The following MYO19 variants were observed in gnomAD, a reference collection of about 807,000 sequenced individuals.
MYO19 encodes unconventional myosin-XIX.
In MYO19, 132 loss-of-function variants were observed where a neutral mutation model predicts 129.2. That is an observed-to-expected ratio of 1.02 (90% CI 0.89 to 1.18). The LOEUF (loss-of-function observed/expected upper bound fraction) is 1.18. Among genes scored for constraint, MYO19 ranks in the 50% most tolerant of loss-of-function variants. MYO19 has a pLI of 0.00. For missense variants in MYO19, 1,210 were observed against 1,216.7 expected (o/e 0.99, Z 0.08); for synonymous variants, 531 against 477.2 (o/e 1.11, Z -1.47).
At position 36,510,766 on chromosome 17, in the gene MYO19, C is replaced by T. The variant is rs61741303; in HGVS notation, c.1137G>A (p.Leu379=). ...RAECDTRRDC[L]AKLIYARLFD... is the part of the protein sequence containing the mutation. ...CTCACCGCGCATAGATCAGTTTGGC[C>T]AGGCAGTCTCTACGGGTGTCACACT... Residue 379 remains leucine (L), a synonymous_variant, in exon 13 of 26, where the codon CTG becomes CTA. Transcript: ENST00000614623. 3.7e-4 allele frequency: 599 copies of T among 1,607,962 alleles called. 3 individuals are homozygous for T. The African/African-American group carries it at 6.6e-3, about 18-fold the overall frequency.
In MYO19 at chr17:36,496,187, G is replaced by T; in HGVS notation, c.*64C>A. ...GGGAATAGTCTGGCAGCTGTGTGCTGATTAAATGTCTTTGGCAAGGCAGGG... is the reference window on the plus strand; with the variant it reads ...GGGAATAGTCTGGCAGCTGTGTGCTTATTAAATGTCTTTGGCAAGGCAGGG... On this transcript the variant is annotated 3_prime_UTR_variant, in exon 26 of 26. Transcript: ENST00000614623. 6.3e-7 allele frequency: 1 copy of T among 1,589,858 alleles called. No individual in the cohort carries two copies. The highest frequency in any genetic ancestry group is 8.6e-7 in the Non-Finnish European group (1 of 1,162,152).
chr17:36,525,165 C>T, intron 6 of MYO19, 63 bp downstream of exon 6: 1 of 1,238,922 alleles, frequency 8.1e-7, no homozygotes, highest in Non-Finnish European at 1.2e-6. Context: ...CAAGGAATGA[C>T]CCCTGCCTCC....
rs1178142211 is a variant in MYO19, at chr17:36,496,160, G to A, written c.*91C>T. On this transcript the variant is annotated 3_prime_UTR_variant, in exon 26 of 26. Coordinates refer to ENST00000614623, the MANE Select transcript of MYO19 (RefSeq NM_001163735.2). ...GTTGTTCATGTGCATTTGGAGCACT[G>A]TGGGAATAGTCTGGCAGCTGTGTGC... is the stretch of plus-strand genomic sequence containing the variant. 9.9e-6 allele frequency: 15 copies of A among 1,511,026 alleles called. No homozygotes were observed. The highest frequency in any genetic ancestry group is 1.1e-5 in the Non-Finnish European group (12 of 1,101,956). The allele number at this position is 1,511,026 out of a possible 1,614,324, so 93.6% of individuals were successfully genotyped here. A position where few individuals can be genotyped will look rare whatever the true frequency, so the allele number is the denominator to read the frequency against.
chr17:36,508,852 G>A (rs892588221), intron 14 of MYO19: 1 of 600,192 alleles, frequency 1.7e-6, no homozygotes, highest in East Asian at 2.8e-5. Context: ...TGTCTGGAGA[G>A]TTATGGACTG....
intron 11 of MYO19, 172 bp downstream of exon 11, chr17:36,513,257 C>G (rs963596748): frequency 1.4e-5 from 20 of 1,471,066 alleles, no homozygotes; most frequent in Admixed American, 7.6e-5. Context: ...ACCCCACCAC[C>G]TGGTCTCCAG....
chr17:36,510,679 C>T, intron 13 of MYO19, 67 bp downstream of exon 13: 3 of 1,499,802 alleles, frequency 2.0e-6, no homozygotes, highest in Non-Finnish European at 2.7e-6. Context: ...TGTTGTCTGG[C>T]CCAACCCCGG....
At chr17:36,527,877 A>C (rs1403992645) in intron 4 of MYO19, among the ~76,000 whole-genome samples, 178 bp from the exon 5 acceptor site, 2 of 152,250 alleles carry the variant, frequency 1.3e-5, no homozygotes, top group Non-Finnish European at 2.9e-5. Context: ...AATCTGAAGC[A>C]AAGCATGCCC....
chr17:36,512,142 G>C (rs1389481430), intron 11 of MYO19, among the ~76,000 whole-genome samples: 2 of 151,250 alleles, frequency 1.3e-5, no homozygotes, highest in African/African-American at 4.9e-5. Context: ...CTTGAAGTCA[G>C]AAGTTTAAGA....
At chr17:36,531,047 C>G (rs2073804195) in intron 3 of MYO19, among the ~76,000 whole-genome samples, 2 of 151,972 alleles carry the variant, frequency 1.3e-5, no homozygotes, top group Non-Finnish European at 2.9e-5. Flanking sequence ...CCAGCCTTGT[C>G]TACAGAGTGA....
chr17:36,509,499 A>C, intron 13 of MYO19: 1 of 293,180 alleles, frequency 3.4e-6, no homozygotes, highest in East Asian at 7.9e-5. Flanking sequence ...GTTTGTAAAT[A>C]ACTGAGTTCA....
rs1015849170 is a variant in MYO19 at position 36,514,338 on chromosome 17, G to A, written c.720+108C>T. 1.1e-5 allele frequency: 8 copies of A among 742,476 alleles called. No individual in the cohort carries two copies. The South Asian group carries it at 1.1e-4, about 10-fold the overall frequency. The allele number at this position is 742,476 out of a possible 1,614,324, so 46.0% of individuals were successfully genotyped here. Reference sequence around the variant, plus strand: ...GGATAAAGTGGTGGCTCCATCAAAAGCTAGGTGAAGGAACCAGGTATGGAG... The same window carrying A: ...GGATAAAGTGGTGGCTCCATCAAAAACTAGGTGAAGGAACCAGGTATGGAG... On this transcript the variant is annotated intron_variant, in intron 9 of 25. Transcript: ENST00000614623.
intron 6 of MYO19, among the ~76,000 whole-genome samples, chr17:36,517,873 G>A (rs2072861860): frequency 6.6e-6 from 1 of 151,902 alleles, no homozygotes; most frequent in African/African-American, 2.4e-5. Flanking sequence ...TGGATTGCCT[G>A]AGTTCAGCAG....
chr17:36,530,855 A>G (rs1422551445), intron 3 of MYO19, among the ~76,000 whole-genome samples: 1 of 152,068 alleles, frequency 6.6e-6, no homozygotes, highest in Non-Finnish European at 1.5e-5. Context: ...TCCTGGCCTC[A>G]GGTGATCTGC....
chr17:36,527,421 G>A (rs2073540276), intron 5 of MYO19, 130 bp downstream of exon 5: 1 of 1,038,852 alleles, frequency 9.6e-7, no homozygotes, highest in Admixed American at 3.1e-5. Flanking sequence ...CTATTGGGCA[G>A]GCCGTGGCAC....
At chr17:36,502,835 T>C (rs2071624199) in intron 21 of MYO19, 3 of 538,320 alleles carry the variant, frequency 5.6e-6, no homozygotes, top group African/African-American at 3.8e-5. Context: ...GCTAATCCAA[T>C]TTATTCTCAG....
intron 3 of MYO19, among the ~76,000 whole-genome samples, chr17:36,531,028 A>G (rs530754933): frequency 6.6e-5 from 10 of 152,182 alleles, no homozygotes; most frequent in African/African-American, 1.9e-4. Flanking sequence ...TGAGGTCAGG[A>G]GTTTGAGACC....
chr17:36,539,889 A>ATT (rs142199109), upstream of MYO19, among the ~76,000 whole-genome samples: 1,157 of 143,628 alleles, frequency 8.1e-3, 8 homozygotes, highest in Non-Finnish European at 0.012. Context: ...TTCCCCACAG[A>ATT]TTTTTTTTTT....
At chr17:36,513,235 T>A in intron 11 of MYO19, 194 bp downstream of exon 11, 1 of 1,454,156 alleles carries the variant, frequency 6.9e-7, no homozygotes, top group Non-Finnish European at 9.0e-7. Flanking sequence ...CACTCTTCCT[T>A]ATGCCCCGTC....
rs1206689806 is a variant in MYO19 at position 36,525,214 on chromosome 17, A to G, written c.414+14T>C. The G allele has an allele frequency of 2.0e-5, 32 of 1,599,182 alleles. No homozygotes were observed. The highest frequency in any genetic ancestry group is 2.7e-5 in the Non-Finnish European group (31 of 1,166,808). On this transcript the variant is annotated intron_variant, in intron 6 of 25. Transcript: ENST00000614623. ...CAGTCGTGAGTTGACAGGATGGGAA[A>G]GACGTCTTCCTACCTTTCCAGCACC... is the stretch of plus-strand genomic sequence containing the variant.
Sources: gnomAD v4.1 joint callset for allele counts (sites outside exome capture counted in the v4.1 genomes callset) on GRCh38, gnomAD v4.1.1 for gene constraint, MANE v1.5 for transcripts, NCBI Gene and HGNC (gene_info 2026-07-23, HGNC 2026-07-21) for gene names.